The following MACROD2 variants were observed in gnomAD, a reference collection of about 807,000 sequenced individuals.
MACROD2 encodes ADP-ribose glycohydrolase MACROD2.
MACROD2 carries 36 observed loss-of-function variants against 70.4 expected under a neutral mutation model. The observed-to-expected ratio is 0.51, with a 90% CI of 0.39 to 0.68. The LOEUF (loss-of-function observed/expected upper bound fraction) is 0.68. MACROD2 is among the 30% of genes least tolerant of loss of function. The probability of loss-of-function intolerance (pLI) is 0.00; values close to 1 mark genes in which losing one functional copy is unlikely to be tolerated. For missense variants in MACROD2, 496 were observed against 538.4 expected, an observed-to-expected ratio of 0.92 and a Z score of 0.78; for synonymous variants, 172 against 178.8, an observed-to-expected ratio of 0.96 and a Z score of 0.30.
chr20:15,935,929 A>G (rs1044829233), intron 11 of MACROD2, among the ~76,000 whole-genome samples: 4 of 152,164 alleles, frequency 2.6e-5, no homozygotes, highest in Non-Finnish European at 5.9e-5. Flanking sequence ...CTCTCTGAGG[A>G]AGTGATAGTT....
intron 4 of MACROD2, among the ~76,000 whole-genome samples, chr20:14,661,193 C>G (rs1313509348): frequency 6.6e-6 from 1 of 152,242 alleles, no homozygotes; most frequent in East Asian, 1.9e-4. Context: ...TCTGTTTTCT[C>G]TGCAATCTTG....
chr20:14,366,025 G>C (rs2083268662), intron 3 of MACROD2, among the ~76,000 whole-genome samples: 1 of 152,106 alleles, frequency 6.6e-6, no homozygotes, highest in Non-Finnish European at 1.5e-5. Flanking sequence ...TTAATATGTA[G>C]TGTATCCTGT....
intron 1 of MACROD2, among the ~76,000 whole-genome samples, chr20:13,998,651 T>C: frequency 6.6e-6 from 1 of 152,106 alleles, no homozygotes; most frequent in Non-Finnish European, 1.5e-5. Context: ...GAGATGACAT[T>C]GCCTTTTTAA....
Position 15,136,444 on chromosome 20 carries a change from A to C in MACROD2, c.419-93496A>C, listed in dbSNP as rs867181215. Among the ~76,000 whole-genome samples, 33 of 152,316 alleles carry C rather than the reference A, an allele frequency of 2.2e-4. No individual in the cohort carries two copies. In the Middle Eastern group the frequency reaches 0.01, roughly 47 times the overall value. On this transcript the variant is annotated intron_variant, in intron 5 of 17. Coordinates refer to ENST00000684519, the MANE Select transcript of MACROD2 (RefSeq NM_001351661.2). ...CTATCTGATCTTTGACAAACCTGAGAAAAACGAGCAATGGGGAAAGGATTC... is the reference window on the plus strand; with the variant it reads ...CTATCTGATCTTTGACAAACCTGAGCAAAACGAGCAATGGGGAAAGGATTC...
intron 8 of MACROD2, among the ~76,000 whole-genome samples, chr20:15,679,252 A>G (rs1240318356): frequency 1.3e-5 from 2 of 151,578 alleles, no homozygotes; most frequent in Admixed American, 6.6e-5. Context: ...AAAAAAAAAA[A>G]AGAGATGCAC....
intron 5 of MACROD2, among the ~76,000 whole-genome samples, chr20:14,970,823 T>G (rs534415648): frequency 6.6e-6 from 1 of 152,080 alleles, no homozygotes. Flanking sequence ...CACTATGTTG[T>G]CCAGGCTAGT....
At chr20:14,208,892 G>GA (rs1013500662) in intron 3 of MACROD2, among the ~76,000 whole-genome samples, 4 of 152,300 alleles carry the variant, frequency 2.6e-5, no homozygotes, top group Admixed American at 6.5e-5. Flanking sequence ...AAAAGTAGAA[G>GA]AAAAAATGCC....
chr20:14,532,894 T>C (rs1763469259), intron 4 of MACROD2, among the ~76,000 whole-genome samples: 1 of 152,170 alleles, frequency 6.6e-6, no homozygotes, highest in African/African-American at 2.4e-5. Flanking sequence ...GCTGAGCTTT[T>C]TGTGTCTTGC....
At chr20:15,361,269 ATTTAC>A (rs1250356692) in intron 6 of MACROD2, among the ~76,000 whole-genome samples, 1 of 152,112 alleles carries the variant, frequency 6.6e-6, no homozygotes, top group Non-Finnish European at 1.5e-5. Context: ...TGATTTATTT[ATTTAC>A]TTTATCTATG....
At chr20:15,353,277 T>C (rs2078248574) in intron 6 of MACROD2, among the ~76,000 whole-genome samples, 1 of 152,320 alleles carries the variant, frequency 6.6e-6, no homozygotes, top group South Asian at 2.1e-4. Flanking sequence ...TAATAAATGG[T>C]GCTGGCAAAA....
At chr20:15,751,512 GTTAAA>G in intron 8 of MACROD2, among the ~76,000 whole-genome samples, 2 of 152,046 alleles carry the variant, frequency 1.3e-5, no homozygotes, top group South Asian at 4.1e-4. Flanking sequence ...TGAAATTTTT[GTTAAA>G]TTAAATCTAT....
intron 6 of MACROD2, among the ~76,000 whole-genome samples, chr20:15,331,283 A>G (rs527813873): frequency 6.6e-6 from 1 of 151,806 alleles, no homozygotes; most frequent in Non-Finnish European, 1.5e-5. Flanking sequence ...ACCCATAGTA[A>G]TATTTGTTCG....
chr20:14,330,516 A>G lies in MACROD2; in HGVS notation c.272-162963A>G, dbSNP rs551480940. On this transcript the variant is annotated intron_variant, in intron 3 of 17. Transcript: ENST00000684519. ...AACGAGTATGTTAAATAAGGCCACA[A>G]TTTGTGTTTCTGGTTCTCTCCAAAA... is the stretch of plus-strand genomic sequence containing the variant. 2.0e-4 allele frequency among the ~76,000 whole-genome samples: 30 copies of G among 152,214 alleles called. No homozygotes were observed. The South Asian group carries it at 5.8e-3, about 29-fold the overall frequency.
chr20:14,970,899 G>C (rs139640947), intron 5 of MACROD2, among the ~76,000 whole-genome samples: 9 of 152,216 alleles, frequency 5.9e-5, no homozygotes, highest in African/African-American at 2.2e-4. Context: ...TTACAGGCAT[G>C]AGCCACCATG....
intron 8 of MACROD2, among the ~76,000 whole-genome samples, chr20:15,598,176 G>A (rs940194838): frequency 1.3e-5 from 2 of 152,166 alleles, no homozygotes; most frequent in African/African-American, 4.8e-5. Context: ...AAAGGGGAAA[G>A]GCTTTAACTT....
At chr20:15,619,613 A>G (rs1004965159) in intron 8 of MACROD2, 8 of 449,144 alleles carry the variant, frequency 1.8e-5, no homozygotes, top group African/African-American at 6.3e-5. Flanking sequence ...TTATTCTCCT[A>G]TTTGGCTTTG....
At chr20:14,148,861 C>T (rs373776888) in intron 3 of MACROD2, among the ~76,000 whole-genome samples, 1 of 152,128 alleles carries the variant, frequency 6.6e-6, no homozygotes, top group Non-Finnish European at 1.5e-5. Context: ...GTGTAGCTTC[C>T]TTCCTAAGTA....
At chr20:15,901,894 A>G (rs2065069794) in intron 10 of MACROD2, among the ~76,000 whole-genome samples, 1 of 151,948 alleles carries the variant, frequency 6.6e-6, no homozygotes, top group Non-Finnish European at 1.5e-5. Context: ...ACTCTCAGCT[A>G]TTTCTGTAAG....
At chr20:14,677,751 A>C (rs551949678) in intron 4 of MACROD2, among the ~76,000 whole-genome samples, 1 of 152,284 alleles carries the variant, frequency 6.6e-6, no homozygotes, top group East Asian at 1.9e-4. Context: ...TTCAGTCACT[A>C]AGTAGGAGGA....
Sources: gnomAD v4.1 joint callset for allele counts (sites outside exome capture counted in the v4.1 genomes callset) on GRCh38, gnomAD v4.1.1 for gene constraint, MANE v1.5 for transcripts, NCBI Gene and HGNC (gene_info 2026-07-23, HGNC 2026-07-21) for gene names.